Variants in URGCP observed in about 807,000 individuals in gnomAD.
URGCP encodes up-regulator of cell proliferation.
A neutral mutation model predicts 24.6 loss-of-function variants in URGCP; 13 were observed. That is an observed-to-expected ratio of 0.53 (90% confidence interval 0.34 to 0.84). The LOEUF is 0.84. URGCP is among the 40% of genes least tolerant of loss of function. URGCP has a pLI of 0.01. For missense variants in URGCP, 899 were observed against 1,194.3 expected (o/e 0.75, Z 3.64); for synonymous variants, 444 against 487.2 (o/e 0.91, Z 1.17).
intron 1 of URGCP, among the ~76,000 whole-genome samples, chr7:43,892,408 C>T (rs941260335): frequency 4.0e-5 from 6 of 151,748 alleles, no homozygotes; most frequent in East Asian, 1.9e-4. Flanking sequence ...CATGAGCCAC[C>T]GCGAACAGCC....
In URGCP at chr7:43,878,576, C is replaced by T. The variant is rs762312671; in HGVS notation, c.887G>A (p.Arg296Gln). The change falls in exon 6 of 6, where the codon CGG becomes CAG. Residue 296 changes from arginine to glutamine, a missense_variant. By Grantham distance (43) the Arg-to-Gln change is conservative. Transcript: ENST00000453200. The surrounding 1 kb of genome is among the most constrained non-coding windows in gnomAD (Gnocchi z 5.6). ...GGCATTGGTGCCCAAGTTGAGGTCC[C>T]GATGCCAGAAGCAGTCCCACTGCCT... is the stretch of plus-strand genomic sequence containing the variant. ...GHRQWDCFWHRDLNLGTNARE... is the reference protein window; with the variant it reads ...GHRQWDCFWHQDLNLGTNARE... 1 of 1,614,160 alleles carries T rather than the reference C, an allele frequency of 6.2e-7. No homozygotes were observed.
Position 43,876,993 on chromosome 7 carries a change from C to A in URGCP, c.2470G>T (p.Asp824Tyr). Reference protein sequence around the residue: ...NYQFVYQNLHDVSVPGPRPRD... With the variant: ...NYQFVYQNLHYVSVPGPRPRD... ...GGCCTAGGGCCGGGAACAGATACAT[C>A]ATGAAGGTTCTGGTATACAAACTGG... Residue 824 changes from aspartate to tyrosine, a missense_variant, in exon 6 of 6, where the codon GAT becomes TAT. Transcript: ENST00000453200. 2 of 1,614,250 alleles carry A rather than the reference C, an allele frequency of 1.2e-6. No individual in the cohort carries two copies. The highest frequency in any genetic ancestry group is 1.7e-6 in the Non-Finnish European group (2 of 1,180,054).
intron 3 of URGCP, among the ~76,000 whole-genome samples, chr7:43,883,727 T>C (rs2095858228): frequency 1.3e-5 from 2 of 152,192 alleles, no homozygotes; most frequent in Non-Finnish European, 2.9e-5. Flanking sequence ...TGTTTTCTCA[T>C]GATTTCCATG....
chr7:43,920,932 A>C (rs1006893498), intron 1 of URGCP, among the ~76,000 whole-genome samples: 1 of 152,212 alleles, frequency 6.6e-6, no homozygotes, highest in Non-Finnish European at 1.5e-5. Flanking sequence ...CTCGAGGCCA[A>C]TAGTCCAATT....
chr7:43,887,958 A>G (rs1233601584), intron 1 of URGCP, 142 bp from the exon 2 acceptor site: 8 of 603,674 alleles, frequency 1.3e-5, no homozygotes, highest in South Asian at 2.3e-5. Flanking sequence ...TACGCTATGG[A>G]TTTCTTTTGT....
At chr7:43,923,411 C>T (rs998747197) in intron 1 of URGCP, among the ~76,000 whole-genome samples, 2 of 151,936 alleles carry the variant, frequency 1.3e-5, no homozygotes, top group African/African-American at 2.4e-5. Context: ...CTCAACCTCC[C>T]GAATAGCTGT....
Position 43,877,530 on chromosome 7 carries a change from G to T in URGCP, c.1933C>A (p.His645Asn), listed in dbSNP as rs1472073648. ...RLPAGQRRFA[H>N]FPGLASELLL... ...AGCTCCGAGGCCAAGCCTGGGAAGT[G>T]GGCAAAACGCCTCTGGCCTGCCGGC... The change falls in exon 6 of 6, where the codon CAC (histidine) becomes AAC (asparagine). Residue 645 changes from histidine (H) to asparagine (N), a missense_variant. Transcript: ENST00000453200. 1 of 1,613,188 alleles carries T rather than the reference G, an allele frequency of 6.2e-7. No individual in the cohort carries two copies. Among genetic ancestry groups the T allele is most frequent in the Admixed American group, 1.7e-5 (1 of 60,026 alleles).
At chr7:43,879,322 G>A (rs1439677945) in intron 5 of URGCP, 62 bp from the exon 6 acceptor site, 46 of 1,525,434 alleles carry the variant, frequency 3.0e-5, no homozygotes, top group Non-Finnish European at 3.9e-5. Context: ...GGCCAGGGAA[G>A]AGCTGGTGAA....
At chr7:43,917,354 G>C (rs1585839469) in intron 1 of URGCP, among the ~76,000 whole-genome samples, 1 of 152,166 alleles carries the variant, frequency 6.6e-6, no homozygotes, top group South Asian at 2.1e-4. Flanking sequence ...TCAGAAAGAG[G>C]GGTACCTTGG....
chr7:43,884,585 T>C (rs2095859321), intron 3 of URGCP, among the ~76,000 whole-genome samples: 2 of 152,072 alleles, frequency 1.3e-5, no homozygotes, highest in South Asian at 4.2e-4. Flanking sequence ...CCACAGCAAT[T>C]TGGGAGGAAA....
At chr7:43,887,355 G>C (rs1475037505) in intron 3 of URGCP, 60 bp downstream of exon 3, 1 of 1,587,808 alleles carries the variant, frequency 6.3e-7, no homozygotes, top group African/African-American at 1.4e-5. Context: ...AGAATCCCAA[G>C]GGGACAGGAG....
upstream of URGCP, chr7:43,906,656 G>A: frequency 1.8e-6 from 2 of 1,128,712 alleles, no homozygotes; most frequent in Non-Finnish European, 2.2e-6. Context: ...GGCCTGGCCC[G>A]CCGGCCGCCC....
upstream of URGCP, chr7:43,926,656 A>T (rs568419799): frequency 7.7e-7 from 1 of 1,293,378 alleles, no homozygotes; most frequent in South Asian, 1.5e-5. Context: ...AGGCTCCGCG[A>T]GTCGCGGATA....
rs1416098789 is a variant in URGCP at position 43,878,359 on chromosome 7, C to T, written c.1104G>A (p.Lys368=). ...TCATGGAGTACAGCAATTTGTATTC[C>T]TTCTTACTGATATTGTCAGTCAATA... ...VFILTDNISK[K]EYKLLYSMKE... is the part of the protein sequence containing the mutation. The change falls in exon 6 of 6, where the codon AAG becomes AAA. Residue 368 remains lysine, a synonymous_variant. Coordinates refer to ENST00000453200, the MANE Select transcript of URGCP (RefSeq NM_001077663.3). This position sits in a 1 kb window ranked among gnomAD's most constrained non-coding sequence, Gnocchi z 5.6. The T allele has an allele frequency of 6.2e-7, 1 of 1,614,130 alleles. No individual in the cohort carries two copies. The highest frequency in any genetic ancestry group is 2.2e-5 in the East Asian group (1 of 44,884).
At chr7:43,914,963 G>C (rs1192308678) in intron 1 of URGCP, among the ~76,000 whole-genome samples, 1 of 152,156 alleles carries the variant, frequency 6.6e-6, no homozygotes, top group Non-Finnish European at 1.5e-5. Flanking sequence ...AATGTGGAGT[G>C]GCTCAGACTA....
At chr7:43,883,008 A>C (rs1321418097) in intron 3 of URGCP, among the ~76,000 whole-genome samples, 1 of 152,140 alleles carries the variant, frequency 6.6e-6, no homozygotes, top group Non-Finnish European at 1.5e-5. Context: ...CACAGAGGTG[A>C]GGTGCGGGGG....
At position 43,925,118 on chromosome 7, in the gene URGCP, G is replaced by A. The variant is rs1038212631; in HGVS notation, c.-116+1014C>T. On this transcript the variant is annotated intron_variant, in intron 1 of 5. Transcript: ENST00000426198. ...TGAATGTGATGCTGTAGGCCACGGGGCTTCCTTGAAGAGTTCTGGGTAAGG... is the reference window on the plus strand; with the variant it reads ...TGAATGTGATGCTGTAGGCCACGGGACTTCCTTGAAGAGTTCTGGGTAAGG... 3.3e-5 allele frequency among the ~76,000 whole-genome samples: 5 copies of A among 152,310 alleles called. 1 individual carries two copies. Among genetic ancestry groups the A allele is most frequent in the Admixed American group, 1.3e-4 (2 of 15,300 alleles).
At chr7:43,902,231 C>T (rs779938598) in intron 1 of URGCP, among the ~76,000 whole-genome samples, 1 of 152,042 alleles carries the variant, frequency 6.6e-6, no homozygotes, top group Non-Finnish European at 1.5e-5. Context: ...CTTCCTCAGG[C>T]AAGGACTCAG....
At chr7:43,910,635 A>G (rs2095909137), upstream of URGCP, 1 of 152,144 alleles carries the variant, frequency 6.6e-6, no homozygotes, top group African/African-American at 2.4e-5. Flanking sequence ...TGGGAGGATC[A>G]CTTGAGCCCA....
Sources: allele counts gnomAD v4.1 joint callset (sites outside exome capture counted in the v4.1 genomes callset), GRCh38; gene constraint gnomAD v4.1.1; non-coding constraint Gnocchi (gnomAD v3.1); transcripts MANE v1.5; gene names NCBI Gene and HGNC (gene_info 2026-07-23, HGNC 2026-07-21).